Variants in FAM135B observed in about 807,000 individuals in gnomAD.
FAM135B encodes protein FAM135B.
Under a neutral mutation model 127.7 loss-of-function variants are expected in FAM135B, and 43 were observed. The observed-to-expected ratio is 0.34, with a 90% confidence interval of 0.26 to 0.43. The LOEUF (loss-of-function observed/expected upper bound fraction) is 0.43. Ranked by LOEUF, FAM135B falls within the 20% of genes least tolerant of loss-of-function variation. FAM135B has a pLI of 1.00. For synonymous variants in FAM135B, 670 were observed against 665.1 expected (o/e 1.01, Z -0.11); for missense variants, 1,558 against 1,725.6 (o/e 0.90, Z 1.72).
chr8:138,410,914 T>C (rs1020227292), intron 1 of FAM135B, among the ~76,000 whole-genome samples: 7 of 151,670 alleles, frequency 4.6e-5, no homozygotes, highest in South Asian at 4.2e-4. Flanking sequence ...ATAAAATACC[T>C]AGGAATCCAA....
intron 1 of FAM135B, among the ~76,000 whole-genome samples, chr8:138,494,737 A>G (rs1564042541): frequency 6.6e-6 from 1 of 152,080 alleles, no homozygotes; most frequent in Non-Finnish European, 1.5e-5. Flanking sequence ...GACATTACAG[A>G]GCAGAGTTGG....
rs540435417 is a variant in FAM135B at position 138,347,822 on chromosome 8, G to A, written c.77+20085C>T. On this transcript the variant is annotated intron_variant, in intron 2 of 19. Coordinates refer to ENST00000395297, the MANE Select transcript of FAM135B (RefSeq NM_015912.4). The stretch of plus-strand genomic sequence containing the variant: ...AGCCAAGCTCTGCCTCAGACCAGCA[G>A]GGTTACCTCGAGTAAGTTACATCAT... 2.2e-4 allele frequency among the ~76,000 whole-genome samples: 33 copies of A among 152,178 alleles called. No individual in the cohort carries two copies. The South Asian group carries it at 5.2e-3, about 24-fold the overall frequency.
At chr8:138,424,473 A>G (rs553086752) in intron 1 of FAM135B, among the ~76,000 whole-genome samples, 2 of 152,200 alleles carry the variant, frequency 1.3e-5, no homozygotes, top group Non-Finnish European at 2.9e-5. Flanking sequence ...TAGCACAAAG[A>G]TCTGCACAAA....
At chr8:138,377,317 C>T (rs567322520) in intron 1 of FAM135B, among the ~76,000 whole-genome samples, 1 of 152,168 alleles carries the variant, frequency 6.6e-6, no homozygotes, top group African/African-American at 2.4e-5. Flanking sequence ...CTCTCATGTA[C>T]AGAGGAATAT....
chr8:138,393,937 G>C (rs766440754), intron 1 of FAM135B, among the ~76,000 whole-genome samples: 5 of 152,188 alleles, frequency 3.3e-5, no homozygotes, highest in Non-Finnish European at 5.9e-5. Context: ...ACAACCCCGT[G>C]CCTCAGTTTC....
intron 9 of FAM135B, among the ~76,000 whole-genome samples, chr8:138,183,149 C>T (rs1815238941): frequency 6.6e-6 from 1 of 152,174 alleles, no homozygotes; most frequent in Non-Finnish European, 1.5e-5. Flanking sequence ...ATAACAATGG[C>T]AACACTGACA....
intron 1 of FAM135B, among the ~76,000 whole-genome samples, chr8:138,412,261 G>A (rs1833910357): frequency 1.3e-5 from 2 of 152,148 alleles, no homozygotes; most frequent in African/African-American, 2.4e-5. Flanking sequence ...AAGGAAGTGA[G>A]TCCTTCTTAA....
chr8:138,177,201 T>G lies in FAM135B; in HGVS notation c.1103+146A>C, dbSNP rs1388587384. On this transcript the variant is annotated intron_variant, in intron 11 of 19. Transcript: ENST00000395297. ...CACTCTGCAATCTGTCTGACTCTTT[T>G]GCCTGCAGAGGAAATGCAGACAGAA... The G allele has an allele frequency of 5.3e-6, 4 of 749,362 alleles. No homozygotes were observed. In the East Asian group the frequency reaches 8.2e-5, roughly 15 times the overall value. 46.4% of individuals were successfully genotyped at this position (749,362 alleles called of 1,614,324 possible). A position where few individuals can be genotyped will look rare whatever the true frequency, so the allele number is the denominator to read the frequency against.
chr8:138,238,416 C>T (rs928155045), intron 7 of FAM135B, among the ~76,000 whole-genome samples: 1 of 152,016 alleles, frequency 6.6e-6, no homozygotes, highest in African/African-American at 2.4e-5. Context: ...GTTTCAGATG[C>T]AGAGGGAACA....
chr8:138,257,451 G>A lies in FAM135B; in HGVS notation c.298-692C>T, dbSNP rs141180728. 2.2e-3 allele frequency among the ~76,000 whole-genome samples: 327 copies of A among 151,590 alleles called. 3 individuals are homozygous for A. Among genetic ancestry groups the A allele is most frequent in the African/African-American group, 7.4e-3 (307 of 41,304 alleles). ...TTAAACACAGGAATCTTTATTCTTC[G>A]TGTCAGTTTCTCATATACACCTGGA... On this transcript the variant is annotated intron_variant, in intron 4 of 19. Transcript: ENST00000395297.
chr8:138,331,601 C>T (rs2130995857), intron 2 of FAM135B, among the ~76,000 whole-genome samples: 1 of 152,200 alleles, frequency 6.6e-6, no homozygotes, highest in East Asian at 1.9e-4. Context: ...GAAAGGTCTT[C>T]CAAAGATAAG....
At chr8:138,461,808 C>T (rs1837137995) in intron 1 of FAM135B, among the ~76,000 whole-genome samples, 1 of 152,128 alleles carries the variant, frequency 6.6e-6, no homozygotes, top group African/African-American at 2.4e-5. Flanking sequence ...GGCACTGTCC[C>T]TTGATTTCTT....
intron 3 of FAM135B, among the ~76,000 whole-genome samples, chr8:138,300,818 T>G (rs982624261): frequency 6.8e-6 from 1 of 147,026 alleles, no homozygotes; most frequent in Non-Finnish European, 1.5e-5. Context: ...TGGCACTTTC[T>G]CAGCTCACTA....
intron 2 of FAM135B, among the ~76,000 whole-genome samples, chr8:138,355,424 A>G (rs1830032918): frequency 1.3e-5 from 2 of 152,316 alleles, no homozygotes; most frequent in South Asian, 2.1e-4. Context: ...TTGTAGGGAC[A>G]TGGATGAAGC....
intron 7 of FAM135B, among the ~76,000 whole-genome samples, chr8:138,216,706 T>G (rs1818573856): frequency 6.6e-6 from 1 of 152,198 alleles, no homozygotes; most frequent in Non-Finnish European, 1.5e-5. Context: ...CTAAGCCCCA[T>G]TTAAGAGCCA....
In FAM135B at chr8:138,293,945, G is replaced by A. The variant is rs553243249; in HGVS notation, c.157+16896C>T. 2.0e-5 allele frequency among the ~76,000 whole-genome samples: 3 copies of A among 152,254 alleles called. No homozygotes were observed. The East Asian group carries it at 5.8e-4, about 29-fold the overall frequency. ...ATTATATTAAAAAATGCACCTGCAT[G>A]TGTATGTTTATTGCAGCACAATTCA... is the stretch of plus-strand genomic sequence containing the variant. On this transcript the variant is annotated intron_variant, in intron 3 of 19. Transcript: ENST00000395297.
chr8:138,390,388 C>G (rs1832487283), intron 1 of FAM135B, among the ~76,000 whole-genome samples: 1 of 152,122 alleles, frequency 6.6e-6, no homozygotes, highest in East Asian at 1.9e-4. Context: ...TTCTCATTCT[C>G]TCTTGTCTGC....
At chr8:138,329,600 C>T (rs1461841474) in intron 2 of FAM135B, among the ~76,000 whole-genome samples, 2 of 152,124 alleles carry the variant, frequency 1.3e-5, no homozygotes, top group Non-Finnish European at 2.9e-5. Flanking sequence ...AAAGATCACA[C>T]ATGCAGCAAA....
At chr8:138,281,287 A>G (rs1824244543) in intron 3 of FAM135B, among the ~76,000 whole-genome samples, 3 of 152,070 alleles carry the variant, frequency 2.0e-5, no homozygotes, top group Non-Finnish European at 4.4e-5. Context: ...TATATTCACC[A>G]TTCTCTCATT....
Sources: gnomAD v4.1 joint callset for allele counts (sites outside exome capture counted in the v4.1 genomes callset) on GRCh38, gnomAD v4.1.1 for gene constraint, MANE v1.5 for transcripts, NCBI Gene and HGNC (gene_info 2026-07-23, HGNC 2026-07-21) for gene names.